Variants in RGSL1 observed in about 807,000 individuals in gnomAD.
RGSL1 encodes the protein regulator of G protein signaling like 1.
In RGSL1, 97 loss-of-function variants were observed where a neutral mutation model predicts 124.7. The ratio of observed to expected loss-of-function variants is 0.78; its 90% CI spans 0.66 to 0.92. RGSL1 has a LOEUF of 0.92. Ranked by LOEUF, RGSL1 falls within the 40% of genes least tolerant of loss-of-function variation. The probability of loss-of-function intolerance (pLI) is 0.00; values close to 1 mark genes in which losing one functional copy is unlikely to be tolerated. For synonymous variants in RGSL1, 424 were observed against 438.1 expected (o/e 0.97, Z 0.40); for missense variants, 1,233 against 1,288.4 (o/e 0.96, Z 0.66).
chr1:182,554,425 C>T (rs1449890221), intron 19 of RGSL1, among the ~76,000 whole-genome samples: 1 of 152,186 alleles, frequency 6.6e-6, no homozygotes, highest in African/African-American at 2.4e-5. Context: ...TCCTGGGACA[C>T]ACACAAACAC....
chr1:182,448,505 T>C (rs1250507912), upstream of RGSL1: 1 of 152,214 alleles, frequency 6.6e-6, no homozygotes, highest in Non-Finnish European at 1.5e-5. Flanking sequence ...ATTACAGACG[T>C]GAGCCACTGC....
At chr1:182,456,101 G>C (rs1408480557) in intron 2 of RGSL1, among the ~76,000 whole-genome samples, 1 of 152,170 alleles carries the variant, frequency 6.6e-6, no homozygotes, top group East Asian at 1.9e-4. Flanking sequence ...CCATGTCACT[G>C]TTTAAGTGTT....
At chr1:182,487,254 T>C (rs980972864) in intron 6 of RGSL1, among the ~76,000 whole-genome samples, 1 of 152,114 alleles carries the variant, frequency 6.6e-6, no homozygotes. Context: ...GCGGAGATAA[T>C]CTTACATTCT....
chr1:182,492,920 C>T (rs80297245), intron 8 of RGSL1, 102 bp from the exon 9 acceptor site: 19 of 783,772 alleles, frequency 2.4e-5, no homozygotes, highest in Middle Eastern at 2.3e-4. Flanking sequence ...TGAGCCACTG[C>T]GCCCAGCATT....
rs1463879794 is a variant in RGSL1, at chr1:182,556,098, G to C, written c.*41G>C. On this transcript the variant is annotated 3_prime_UTR_variant, in exon 21 of 22. Coordinates refer to ENST00000294854, the MANE Select transcript of RGSL1 (RefSeq NM_001137669.2). ...AGCAGAGATAAATCATCTCTTAGAGGCCTCCTAACACTGACAGAAACTTTT... is the reference window on the plus strand; with the variant it reads ...AGCAGAGATAAATCATCTCTTAGAGCCCTCCTAACACTGACAGAAACTTTT... 1 of 1,532,364 alleles carries C rather than the reference G, an allele frequency of 6.5e-7. No homozygotes were observed. Among genetic ancestry groups the C allele is most frequent in the Non-Finnish European group, 8.8e-7 (1 of 1,130,894 alleles). The allele number at this position is 1,532,364 out of a possible 1,614,324, so 94.9% of individuals were successfully genotyped here.
chr1:182,521,941 C>T (rs1459094181), intron 9 of RGSL1, 63 bp from the exon 10 acceptor site: 4 of 1,068,160 alleles, frequency 3.7e-6, no homozygotes, highest in Non-Finnish European at 4.1e-6. Context: ...AATATCCTTG[C>T]TAGTTTTTCC....
chr1:182,533,914 A>G (rs982939410), intron 14 of RGSL1, among the ~76,000 whole-genome samples: 1 of 152,130 alleles, frequency 6.6e-6, no homozygotes, highest in Non-Finnish European at 1.5e-5. Flanking sequence ...ATGGGAGGAG[A>G]GTGATTTCTA....
At chr1:182,495,142 C>A (rs1187505919) in intron 9 of RGSL1, among the ~76,000 whole-genome samples, 2 of 152,180 alleles carry the variant, frequency 1.3e-5, no homozygotes, top group African/African-American at 4.8e-5. Context: ...ATACTGGGTA[C>A]TGGGGGCTCT....
chr1:182,554,857 G>A, intron 20 of RGSL1, 164 bp downstream of exon 20: 2 of 676,568 alleles, frequency 3.0e-6, no homozygotes, highest in Non-Finnish European at 5.0e-6. Flanking sequence ...AAGTTAAAGA[G>A]GTGTTTCTCT....
chr1:182,487,683 A>G (rs1655194512), intron 6 of RGSL1, among the ~76,000 whole-genome samples: 1 of 152,188 alleles, frequency 6.6e-6, no homozygotes, highest in Non-Finnish European at 1.5e-5. Flanking sequence ...AGCTCCTTAT[A>G]GCGACACTTG....
intron 3 of RGSL1, 73 bp downstream of exon 3, chr1:182,458,466 AT>A (rs1652532323): frequency 7.6e-7 from 1 of 1,322,382 alleles, no homozygotes; most frequent in South Asian, 1.3e-5. Flanking sequence ...TTTGTTGTTA[AT>A]TTGTTTTTGT....
intron 2 of RGSL1, among the ~76,000 whole-genome samples, chr1:182,455,784 GCA>G (rs1652267783): frequency 6.6e-6 from 1 of 152,236 alleles, no homozygotes; most frequent in South Asian, 2.1e-4. Flanking sequence ...GAGATAAGCT[GCA>G]CAGGCAGGCT....
intron 5 of RGSL1, 34 bp downstream of exon 5, chr1:182,472,591 C>A: frequency 3.4e-6 from 5 of 1,477,524 alleles, no homozygotes; most frequent in South Asian, 2.8e-5. Context: ...TGGGGGGATG[C>A]AACAAAAAAG....
chr1:182,559,532 A>G (rs1257873872), intron 21 of RGSL1, among the ~76,000 whole-genome samples: 1 of 151,958 alleles, frequency 6.6e-6, no homozygotes, highest in Non-Finnish European at 1.5e-5. Flanking sequence ...TCCCCTCTCC[A>G]CACACACCCA....
At chr1:182,498,282 G>A (rs1449104509) in intron 9 of RGSL1, among the ~76,000 whole-genome samples, 1 of 152,146 alleles carries the variant, frequency 6.6e-6, no homozygotes, top group Non-Finnish European at 1.5e-5. Flanking sequence ...GTTTTGGAAT[G>A]TCTCTTGAGC....
intron 9 of RGSL1, among the ~76,000 whole-genome samples, chr1:182,511,460 C>G (rs1571615943): frequency 6.6e-6 from 1 of 152,206 alleles, no homozygotes; most frequent in East Asian, 1.9e-4. Context: ...GTATGAGCCA[C>G]CGCGCCTGTC....
upstream of RGSL1, chr1:182,450,027 A>C (rs1250299069): frequency 1.1e-6 from 1 of 947,030 alleles, no homozygotes; most frequent in Non-Finnish European, 1.7e-6. Flanking sequence ...CCTACACCAG[A>C]GGTAAGTAGA....
intron 9 of RGSL1, among the ~76,000 whole-genome samples, chr1:182,498,464 C>T (rs568277767): frequency 6.6e-6 from 1 of 152,294 alleles, no homozygotes; most frequent in South Asian, 2.1e-4. Flanking sequence ...TCACTGCAAT[C>T]AGATCTTATT....
At chr1:182,480,292 G>T (rs959932521) in intron 6 of RGSL1, among the ~76,000 whole-genome samples, 1 of 152,234 alleles carries the variant, frequency 6.6e-6, no homozygotes, top group East Asian at 1.9e-4. Context: ...ATAGCCAGAC[G>T]TGGTGGCACA....
Sources: allele counts gnomAD v4.1 joint callset (sites outside exome capture counted in the v4.1 genomes callset), GRCh38; gene constraint gnomAD v4.1.1; transcripts MANE v1.5; gene names NCBI Gene and HGNC (gene_info 2026-07-23, HGNC 2026-07-21).